Variants in LHFPL2 observed in about 807,000 individuals in gnomAD.
LHFPL2 encodes LHFPL tetraspan subfamily member 2 protein.
Under a neutral mutation model 17.5 loss-of-function variants are expected in LHFPL2, and 7 were observed. The observed-to-expected ratio is 0.40, with a 90% CI of 0.23 to 0.75. The LOEUF is 0.75. LHFPL2 is among the 30% of genes least tolerant of loss of function. LHFPL2 has a pLI of 0.37. For missense variants in LHFPL2, 241 were observed against 294.8 expected (o/e 0.82, Z 1.34); for synonymous variants, 134 against 116.2 (o/e 1.15, Z -0.99).
At chr5:78,516,054 G>A (rs1755282152) in intron 3 of LHFPL2, among the ~76,000 whole-genome samples, 1 of 152,238 alleles carries the variant, frequency 6.6e-6, no homozygotes, top group Non-Finnish European at 1.5e-5. Flanking sequence ...AAGACAAAAG[G>A]AGCCTTAAGA....
At chr5:78,621,910 C>A (rs1314901482) in intron 2 of LHFPL2, among the ~76,000 whole-genome samples, 4 of 152,186 alleles carry the variant, frequency 2.6e-5, no homozygotes, top group Non-Finnish European at 5.9e-5. Flanking sequence ...TAGAATCTAA[C>A]TGCCCCACAA....
chr5:78,588,273 TGA>T (rs1743502224), intron 2 of LHFPL2, among the ~76,000 whole-genome samples: 1 of 152,206 alleles, frequency 6.6e-6, no homozygotes, highest in Non-Finnish European at 1.5e-5. Context: ...TGGGATCAAG[TGA>T]TCTTCCTGCC....
At position 78,488,686 on chromosome 5, in the gene LHFPL2, C is replaced by G. The variant is rs911804925; in HGVS notation, c.*211G>C. ...CAGGTCTAGGATTATATACTATTTT[C>G]ATGTTCCATTCCTTATAATGTGCAC... On this transcript the variant is annotated 3_prime_UTR_variant, in exon 5 of 5. Coordinates refer to ENST00000380345, the MANE Select transcript of LHFPL2 (RefSeq NM_005779.3). 1 of 587,056 alleles carries G rather than the reference C, an allele frequency of 1.7e-6. No individual in the cohort carries two copies. 36.4% of individuals were successfully genotyped at this position (587,056 alleles called of 1,614,324 possible). A position where few individuals can be genotyped will look rare whatever the true frequency, so the allele number is the denominator to read the frequency against.
intron 3 of LHFPL2, among the ~76,000 whole-genome samples, chr5:78,518,784 G>A (rs1200963308): frequency 6.6e-6 from 1 of 152,144 alleles, no homozygotes; most frequent in African/African-American, 2.4e-5. Flanking sequence ...CTGAACTCTT[G>A]TACTTGTTCA....
In LHFPL2 at chr5:78,509,766, G is replaced by A. The variant is rs1478224818; in HGVS notation, c.430+18C>T. 11 of 1,599,744 alleles carry A rather than the reference G, an allele frequency of 6.9e-6. No homozygotes were observed. The highest frequency in any genetic ancestry group is 1.3e-5 in the African/African-American group (1 of 74,602). On this transcript the variant is annotated intron_variant, in intron 4 of 4. Coordinates refer to ENST00000380345, the MANE Select transcript of LHFPL2 (RefSeq NM_005779.3). ...TCCATCCCTCCATCCCACCGTGCCC[G>A]GGGTCCTGCCTTCTTACCTGCAATT...
At chr5:78,525,407 T>C (rs1755592454) in intron 3 of LHFPL2, among the ~76,000 whole-genome samples, 1 of 152,150 alleles carries the variant, frequency 6.6e-6, no homozygotes, top group South Asian at 2.1e-4. Flanking sequence ...ATTCAGTAAA[T>C]GGTAGCAATG....
chr5:78,636,689 C>A (rs1256435237), intron 1 of LHFPL2, among the ~76,000 whole-genome samples: 1 of 151,974 alleles, frequency 6.6e-6, no homozygotes, highest in Non-Finnish European at 1.5e-5. Flanking sequence ...AAATCACTAT[C>A]GAGACATTCT....
At chr5:78,577,426 C>T (rs563189408) in intron 2 of LHFPL2, among the ~76,000 whole-genome samples, 1 of 152,274 alleles carries the variant, frequency 6.6e-6, no homozygotes, top group African/African-American at 2.4e-5. Flanking sequence ...TTATTTCCTT[C>T]AGAGTCAAAG....
chr5:78,605,412 G>T (rs12186748), intron 2 of LHFPL2, among the ~76,000 whole-genome samples: 55,208 of 151,890 alleles, frequency 0.36, 11,002 homozygotes, highest in Middle Eastern at 0.48. Context: ...GGGGCATCAG[G>T]GGATCTGTTT....
Position 78,577,455 on chromosome 5 carries a change from A to AT in LHFPL2, c.-244-12585dup, listed in dbSNP as rs573091607. Among the ~76,000 whole-genome samples the AT allele has an allele frequency of 3.7e-3, 561 of 152,054 alleles. 6 individuals carry two copies. The highest frequency in any genetic ancestry group is 0.013 in the African/African-American group (525 of 41,456). ...GTCAAAGGGGGCTGTTTCTCTCAACATTTTTTTTAAGTTAAATAAGAGCTC... is the reference window on the plus strand; with the variant it reads ...GTCAAAGGGGGCTGTTTCTCTCAACATTTTTTTTTAAGTTAAATAAGAGCTC... On this transcript the variant is annotated intron_variant, in intron 2 of 4. Coordinates refer to ENST00000380345, the MANE Select transcript of LHFPL2 (RefSeq NM_005779.3).
At chr5:78,511,640 G>A (rs1366552723) in intron 3 of LHFPL2, among the ~76,000 whole-genome samples, 2 of 152,226 alleles carry the variant, frequency 1.3e-5, no homozygotes, top group Non-Finnish European at 2.9e-5. Context: ...AGGAAGAGAA[G>A]CGGAGAAATA....
chr5:78,612,159 T>C (rs1744442246), intron 2 of LHFPL2, among the ~76,000 whole-genome samples: 2 of 152,256 alleles, frequency 1.3e-5, no homozygotes, highest in African/African-American at 2.4e-5. Flanking sequence ...ATGGAGCATT[T>C]TTCCTACTAT....
intron 4 of LHFPL2, among the ~76,000 whole-genome samples, chr5:78,489,936 C>T (rs1425648433): frequency 6.6e-6 from 1 of 152,202 alleles, no homozygotes; most frequent in Non-Finnish European, 1.5e-5. Flanking sequence ...AGGAAATTCA[C>T]ACAGAACCAT....
chr5:78,601,212 G>A (rs916982282), intron 2 of LHFPL2, among the ~76,000 whole-genome samples: 1 of 152,220 alleles, frequency 6.6e-6, no homozygotes, highest in African/African-American at 2.4e-5. Flanking sequence ...CACTGAGGAT[G>A]ATAAATATTT....
chr5:78,597,877 T>G (rs1455162810), intron 2 of LHFPL2, among the ~76,000 whole-genome samples: 1 of 152,170 alleles, frequency 6.6e-6, no homozygotes, highest in Non-Finnish European at 1.5e-5. Context: ...GCAAGCTTGT[T>G]AGAAAATACA....
In LHFPL2 at chr5:78,486,946, ACTTGGTTAGAACATTAT is replaced by A. The variant is rs1484176695; in HGVS notation, c.*1934_*1950del. On this transcript the variant is annotated 3_prime_UTR_variant, in exon 5 of 5. Transcript: ENST00000380345. ...TTTGTGTTTTTCATCAAGGTTTGAG[ACTTGGTTAGAACATTAT>A]AAATGTACACACAGAGACAGAAGCT... 1 of 152,180 alleles carries A rather than the reference ACTTGGTTAGAACATTAT, an allele frequency of 6.6e-6. No individual in the cohort carries two copies. The highest frequency in any genetic ancestry group is 1.5e-5 in the Non-Finnish European group (1 of 68,032). The allele number at this position is 152,180 out of a possible 1,614,324, so 9.4% of individuals were successfully genotyped here. A position where few individuals can be genotyped will look rare whatever the true frequency, so the allele number is the denominator to read the frequency against.
At chr5:78,534,776 A>G (rs924687822) in intron 3 of LHFPL2, among the ~76,000 whole-genome samples, 1 of 152,152 alleles carries the variant, frequency 6.6e-6, no homozygotes, top group Non-Finnish European at 1.5e-5. Flanking sequence ...GTGCCATGAA[A>G]TCACAGCAAG....
intron 3 of LHFPL2, among the ~76,000 whole-genome samples, chr5:78,537,010 CGTTGG>C (rs1474124690): frequency 6.6e-6 from 1 of 152,186 alleles, no homozygotes; most frequent in Non-Finnish European, 1.5e-5. Flanking sequence ...GGACCAGCAG[CGTTGG>C]TGGCACCTAG....
At chr5:78,643,228 T>A (rs188718716) in intron 1 of LHFPL2, among the ~76,000 whole-genome samples, 1 of 152,222 alleles carries the variant, frequency 6.6e-6, no homozygotes, top group Non-Finnish European at 1.5e-5. Flanking sequence ...TCCAAACTTA[T>A]GTGTTATCTT....
Sources: gnomAD v4.1 joint callset for allele counts (sites outside exome capture counted in the v4.1 genomes callset) on GRCh38, gnomAD v4.1.1 for gene constraint, MANE v1.5 for transcripts, NCBI Gene and HGNC (gene_info 2026-07-23, HGNC 2026-07-21) for gene names.